ATP11A: variants seen among roughly 807,000 people sequenced by gnomAD.
ATP11A encodes the protein phospholipid-transporting ATPase IH.
A neutral mutation model predicts 154.4 loss-of-function variants in ATP11A; 81 were observed. The ratio of observed to expected loss-of-function variants is 0.52; its 90% confidence interval spans 0.44 to 0.63. The LOEUF (loss-of-function observed/expected upper bound fraction) is 0.63. ATP11A is among the 30% of genes least tolerant of loss of function. ATP11A has a pLI of 0.00. For synonymous variants in ATP11A, 623 were observed against 585.9 expected (o/e 1.06, Z -0.91); for missense variants, 1,316 against 1,474.3 (o/e 0.89, Z 1.76).
rs1235859947 is a variant in ATP11A at position 112,697,862 on chromosome 13, C to A, written c.39+7407C>A. On this transcript the variant is annotated intron_variant, in intron 1 of 29. Coordinates refer to ENST00000375645, the MANE Select transcript of ATP11A (RefSeq NM_015205.3). The surrounding 1 kb of genome is among the most constrained non-coding windows in gnomAD (Gnocchi z 4.0). ...GTGCTGGGATTGCAGGTATGTGCCA[C>A]CACGCCCAGCCCTGAAACTACTTTC... 6.6e-6 allele frequency among the ~76,000 whole-genome samples: 1 copy of A among 152,104 alleles called. No individual in the cohort carries two copies. Among genetic ancestry groups the A allele is most frequent in the Non-Finnish European group, 1.5e-5 (1 of 68,040 alleles).
Position 112,819,496 on chromosome 13 carries a change from G to C in ATP11A, c.674+89G>C. 2.7e-6 allele frequency: 3 copies of C among 1,123,614 alleles called. No homozygotes were observed. In the South Asian group the frequency reaches 3.9e-5, roughly 15 times the overall value. 69.6% of individuals were successfully genotyped at this position (1,123,614 alleles called of 1,614,324 possible). A position where few individuals can be genotyped will look rare whatever the true frequency, so the allele number is the denominator to read the frequency against. On this transcript the variant is annotated intron_variant, in intron 7 of 29. Coordinates refer to ENST00000375645, the MANE Select transcript of ATP11A (RefSeq NM_015205.3). ...TTCACCCCAAGTAGTCCAGCCATGTGGTGGTTTGGAAAGAGAATGTAAATC... is the reference window on the plus strand; with the variant it reads ...TTCACCCCAAGTAGTCCAGCCATGTCGTGGTTTGGAAAGAGAATGTAAATC...
chr13:112,759,461 G>A (rs773451446), intron 1 of ATP11A, among the ~76,000 whole-genome samples: 132 of 152,328 alleles, frequency 8.7e-4, no homozygotes, highest in Non-Finnish European at 7.8e-4. Context: ...CAACAATAGC[G>A]CGTGGACACA....
At chr13:112,874,284 G>A (rs554297878) in intron 27 of ATP11A, among the ~76,000 whole-genome samples, 7 of 152,322 alleles carry the variant, frequency 4.6e-5, no homozygotes, top group South Asian at 2.1e-4. Context: ...AGAGGGGCCC[G>A]GACCAGGCTG....
At chr13:112,848,754 C>A (rs914223464) in intron 17 of ATP11A, among the ~76,000 whole-genome samples, 1 of 152,220 alleles carries the variant, frequency 6.6e-6, no homozygotes, top group African/African-American at 2.4e-5. Flanking sequence ...ATGGCACGAT[C>A]TCGGCTCACT....
chr13:112,703,508 A>T (rs762257178), intron 1 of ATP11A, among the ~76,000 whole-genome samples: 6 of 152,250 alleles, frequency 3.9e-5, no homozygotes, highest in Non-Finnish European at 8.8e-5. Context: ...GGCAAAGAGG[A>T]CAGTCAGAAA....
rs894303326 is a variant in ATP11A at position 112,864,436 on chromosome 13, G to A, written c.2991+1861G>A. Among the ~76,000 whole-genome samples the A allele has an allele frequency of 5.7e-4, 48 of 84,268 alleles. 4 individuals carry two copies. Among genetic ancestry groups the A allele is most frequent in the Non-Finnish European group, 7.7e-4 (30 of 38,836 alleles). 55.3% of individuals were successfully genotyped at this position (84,268 alleles called of 152,430 possible). The stretch of plus-strand genomic sequence containing the variant: ...CCCAGCGGGATCCATCACCACATGG[G>A]CAGTAATTCAGTGCAGCCCATGCAG... On this transcript the variant is annotated intron_variant, in intron 25 of 29. Coordinates refer to ENST00000375645, the MANE Select transcript of ATP11A (RefSeq NM_015205.3).
intron 1 of ATP11A, among the ~76,000 whole-genome samples, chr13:112,741,701 C>T (rs969232699): frequency 1.3e-5 from 2 of 152,212 alleles, no homozygotes; most frequent in African/African-American, 4.8e-5. Context: ...ACCTCTCTCT[C>T]TGCCCATATT....
At chr13:112,700,383 C>CA (rs1886376178) in intron 1 of ATP11A, among the ~76,000 whole-genome samples, 3 of 152,174 alleles carry the variant, frequency 2.0e-5, no homozygotes, top group Non-Finnish European at 2.9e-5. Context: ...AGAGAAGGGG[C>CA]TGCCGTCCGG....
Position 112,859,784 on chromosome 13 carries a change from G to A in ATP11A, c.2727+332G>A, listed in dbSNP as rs1270908481. On this transcript the variant is annotated intron_variant, in intron 23 of 29. Transcript: ENST00000375645. This position sits in a 1 kb window ranked among gnomAD's most constrained non-coding sequence, Gnocchi z 4.3. ...CCACTGCAAGAATTAACTCCAACTC[G>A]AGGTCCTTGTGGACATGGGCCACCC... Among the ~76,000 whole-genome samples, 3 of 152,304 alleles carry A rather than the reference G, an allele frequency of 2.0e-5. No homozygotes were observed. The highest frequency in any genetic ancestry group is 1.5e-5 in the Non-Finnish European group (1 of 68,030).
At chr13:112,726,618 G>A (rs538976732) in intron 1 of ATP11A, among the ~76,000 whole-genome samples, 114 of 152,298 alleles carry the variant, frequency 7.5e-4, no homozygotes, top group African/African-American at 2.5e-3. Flanking sequence ...TGCTCCAGCC[G>A]GGGGTGCTGC....
chr13:112,800,798 A>G (rs1026115742), intron 2 of ATP11A, among the ~76,000 whole-genome samples: 1 of 152,246 alleles, frequency 6.6e-6, no homozygotes, highest in African/African-American at 2.4e-5. Flanking sequence ...AGAATTATAC[A>G]CCATGACCAA....
chr13:112,774,512 G>A (rs1164312420), intron 1 of ATP11A, among the ~76,000 whole-genome samples: 1 of 152,198 alleles, frequency 6.6e-6, no homozygotes, highest in Non-Finnish European at 1.5e-5. Context: ...GGGAGGGTGA[G>A]ATTCCAACTT....
rs558542503 is a variant in ATP11A at position 112,859,565 on chromosome 13, C to T, written c.2727+113C>T. 2.1e-5 allele frequency: 19 copies of T among 911,296 alleles called. No homozygotes were observed. The highest frequency in any genetic ancestry group is 1.3e-4 in the African/African-American group (8 of 60,688). 56.5% of individuals were successfully genotyped at this position (911,296 alleles called of 1,614,324 possible). ...GAATGAGCAGCACTCCCCGGCACCA[C>T]GAGGGAGCCAGGGTGCCCAGCAGCA... On this transcript the variant is annotated intron_variant, in intron 23 of 29. Transcript: ENST00000375645. The surrounding 1 kb of genome is among the most constrained non-coding windows in gnomAD (Gnocchi z 4.3).
At chr13:112,818,615 C>G (rs2140193663) in intron 6 of ATP11A, among the ~76,000 whole-genome samples, 1 of 152,320 alleles carries the variant, frequency 6.6e-6, no homozygotes, top group South Asian at 2.1e-4. Flanking sequence ...GGGCCTTCAG[C>G]CGACCTGCTG....
intron 1 of ATP11A, among the ~76,000 whole-genome samples, chr13:112,730,593 G>A (rs185505101): frequency 7.2e-5 from 11 of 152,376 alleles, no homozygotes; most frequent in African/African-American, 2.2e-4. Flanking sequence ...CTGCGCAGGT[G>A]CGGGAGGATG....
At chr13:112,845,572 GC>G (rs1334789672) in intron 17 of ATP11A, among the ~76,000 whole-genome samples, 4 of 103,934 alleles carry the variant, frequency 3.8e-5, no homozygotes, top group African/African-American at 1.1e-4. Flanking sequence ...CAGTCCAGTT[GC>G]CAGGCACTAG....
Position 112,838,360 on chromosome 13 carries a change from C to T in ATP11A, c.1705+2109C>T, listed in dbSNP as rs143826572. ...TGAGCCATGGCTGGAACATGCTGCC[C>T]GTGACCTGCGGGGCTGACTCACGTG... On this transcript the variant is annotated intron_variant, in intron 16 of 29. Transcript: ENST00000375645. This position sits in a 1 kb window ranked among gnomAD's most constrained non-coding sequence, Gnocchi z 7.3. Among the ~76,000 whole-genome samples, 1,893 of 152,034 alleles carry T rather than the reference C, an allele frequency of 0.012. 24 individuals carry two copies. The highest frequency in any genetic ancestry group is 0.047 in the South Asian group (228 of 4,808).
At position 112,883,003 on chromosome 13, in the gene ATP11A, TCCCCTCGTCCCATCC is replaced by T. The variant is rs1232193894; in HGVS notation, c.*1140_*1154del. 5 of 398,522 alleles carry T rather than the reference TCCCCTCGTCCCATCC, an allele frequency of 1.3e-5. No individual in the cohort carries two copies. The highest frequency in any genetic ancestry group is 1.3e-4 in the South Asian group (1 of 7,960). 24.7% of individuals were successfully genotyped at this position (398,522 alleles called of 1,614,324 possible). On this transcript the variant is annotated 3_prime_UTR_variant, in exon 30 of 30. Coordinates refer to ENST00000375645, the MANE Select transcript of ATP11A (RefSeq NM_015205.3). Reference sequence around the variant, plus strand: ...GCCCGCCGGGCTCTGCGTCCCCACGTCCCCTCGTCCCATCCCCACGTCCCCTCATCCCGTCACCTC... The same window carrying T: ...GCCCGCCGGGCTCTGCGTCCCCACGTCCACGTCCCCTCATCCCGTCACCTC...
At chr13:112,777,260 C>T (rs181233476) in intron 1 of ATP11A, among the ~76,000 whole-genome samples, 1 of 152,320 alleles carries the variant, frequency 6.6e-6, no homozygotes, top group East Asian at 1.9e-4. Flanking sequence ...AATGTCAAAA[C>T]TATCTTTAAA....
Sources: gnomAD v4.1 joint callset for allele counts (sites outside exome capture counted in the v4.1 genomes callset) on GRCh38, gnomAD v4.1.1 for gene constraint, Gnocchi (gnomAD v3.1) non-coding constraint, MANE v1.5 for transcripts, NCBI Gene and HGNC (gene_info 2026-07-23, HGNC 2026-07-21) for gene names.